Variants in DDR2 observed in about 807,000 individuals in gnomAD.
DDR2 encodes discoidin domain-containing receptor 2.
A neutral mutation model predicts 94.9 loss-of-function variants in DDR2; 27 were observed. That is an observed-to-expected ratio of 0.28 (90% CI 0.21 to 0.39). The LOEUF is 0.39. DDR2 is among the 10% of genes least tolerant of loss of function. DDR2 has a pLI of 1.00. For synonymous variants in DDR2, 382 were observed against 377.2 expected (o/e 1.01, Z -0.15); for missense variants, 783 against 1,076.0 (o/e 0.73, Z 3.81).
chr1:162,633,813 T>G (rs1656678041), intron 1 of DDR2, among the ~76,000 whole-genome samples: 1 of 152,234 alleles, frequency 6.6e-6, no homozygotes, highest in South Asian at 2.1e-4. Flanking sequence ...AGCTAAATTC[T>G]GAGTATTTTC....
chr1:162,716,512 G>A (rs778233477), intron 2 of DDR2, among the ~76,000 whole-genome samples: 5 of 152,184 alleles, frequency 3.3e-5, no homozygotes, highest in Admixed American at 6.5e-5. Context: ...TAGTGTTCCC[G>A]TTGCTGGAAG....
Position 162,784,630 on chromosome 1 carries a change from G to A in DDR2, c.*4384G>A, listed in dbSNP as rs1195130471. On this transcript the variant is annotated 3_prime_UTR_variant, in exon 18 of 18. Transcript: ENST00000367921. ...GGTGATTTGATTTCTGGCATTCTGAGTTTTCTGCTACAATTAGCTGCATTA... is the reference window on the plus strand; with the variant it reads ...GGTGATTTGATTTCTGGCATTCTGAATTTTCTGCTACAATTAGCTGCATTA... 6.6e-6 allele frequency: 1 copy of A among 152,182 alleles called. No individual in the cohort carries two copies. Among genetic ancestry groups the A allele is most frequent in the Non-Finnish European group, 1.5e-5 (1 of 68,040 alleles). The allele number at this position is 152,182 out of a possible 1,614,324, so 9.4% of individuals were successfully genotyped here.
intron 2 of DDR2, among the ~76,000 whole-genome samples, chr1:162,667,734 G>A (rs1480237443): frequency 1.3e-5 from 2 of 152,142 alleles, no homozygotes; most frequent in Non-Finnish European, 2.9e-5. Flanking sequence ...AAATGAGGCA[G>A]GAGAATGACA....
chr1:162,718,830 T>C (rs561036931), intron 2 of DDR2, among the ~76,000 whole-genome samples: 24 of 152,344 alleles, frequency 1.6e-4, no homozygotes, highest in African/African-American at 5.3e-4. Flanking sequence ...TGCAATCTGA[T>C]AGAGTTTGAA....
intron 3 of DDR2, among the ~76,000 whole-genome samples, chr1:162,721,869 T>C (rs1661439987): frequency 6.6e-6 from 1 of 152,200 alleles, no homozygotes; most frequent in South Asian, 2.1e-4. Context: ...TATTGGTTGG[T>C]TAATAGTAAC....
chr1:162,714,605 A>C (rs192159699), intron 2 of DDR2, among the ~76,000 whole-genome samples: 3 of 152,274 alleles, frequency 2.0e-5, no homozygotes, highest in Admixed American at 6.5e-5. Flanking sequence ...TACCAATTGC[A>C]TACTCAGAGA....
intron 2 of DDR2, among the ~76,000 whole-genome samples, chr1:162,688,880 T>G (rs1011449776): frequency 3.3e-5 from 5 of 152,206 alleles, no homozygotes; most frequent in Non-Finnish European, 2.9e-5. Flanking sequence ...TGGTTCTGGC[T>G]GTGGGGCCGG....
At chr1:162,740,501 G>T (rs988146961) in intron 3 of DDR2, among the ~76,000 whole-genome samples, 1 of 152,182 alleles carries the variant, frequency 6.6e-6, no homozygotes, top group East Asian at 1.9e-4. Context: ...ATCCCTGCAA[G>T]AGTCACCTGG....
intron 2 of DDR2, among the ~76,000 whole-genome samples, chr1:162,709,459 G>T (rs1353983801): frequency 2.0e-5 from 3 of 152,178 alleles, no homozygotes; most frequent in Non-Finnish European, 4.4e-5. Context: ...AGGTCACTTT[G>T]CTTTTTGGGC....
chr1:162,649,437 A>C (rs989401489), intron 1 of DDR2, among the ~76,000 whole-genome samples: 12 of 152,346 alleles, frequency 7.9e-5, no homozygotes, highest in Non-Finnish European at 1.0e-4. Context: ...ATTTGGGTCC[A>C]GGCTTTGCCA....
intron 1 of DDR2, among the ~76,000 whole-genome samples, chr1:162,637,239 A>G (rs956738517): frequency 6.6e-6 from 1 of 152,146 alleles, no homozygotes; most frequent in African/African-American, 2.4e-5. Flanking sequence ...GTGAAACTTG[A>G]TTTAGAAAAT....
At chr1:162,763,328 A>G (rs1330677138) in intron 9 of DDR2, among the ~76,000 whole-genome samples, 1 of 117,830 alleles carries the variant, frequency 8.5e-6, no homozygotes, top group Non-Finnish European at 1.6e-5. Flanking sequence ...GCCTGCTACC[A>G]CGCCCGGCTT....
At chr1:162,758,709 GGC>G (rs1243419096) in intron 7 of DDR2, among the ~76,000 whole-genome samples, 2 of 152,072 alleles carry the variant, frequency 1.3e-5, no homozygotes, top group Admixed American at 1.3e-4. Context: ...TTAAAAGGCT[GGC>G]ATAATCACCC....
chr1:162,752,172 A>C (rs1478258274), intron 3 of DDR2, among the ~76,000 whole-genome samples: 2 of 143,652 alleles, frequency 1.4e-5, no homozygotes, highest in African/African-American at 5.1e-5. Context: ...AAAAAAAAAA[A>C]CTTTTGTTGC....
At chr1:162,759,468 A>G in intron 7 of DDR2, among the ~76,000 whole-genome samples, 1 of 152,228 alleles carries the variant, frequency 6.6e-6, no homozygotes, top group South Asian at 2.1e-4. Flanking sequence ...ATGTGAAGAC[A>G]TATTCAGTAT....
At chr1:162,730,197 A>G (rs1481779365) in intron 3 of DDR2, among the ~76,000 whole-genome samples, 2 of 152,058 alleles carry the variant, frequency 1.3e-5, no homozygotes, top group African/African-American at 4.8e-5. Context: ...AATTAGAAGG[A>G]AGATAATGAA....
intron 2 of DDR2, among the ~76,000 whole-genome samples, chr1:162,678,769 G>A (rs1306183942): frequency 2.0e-5 from 3 of 152,210 alleles, no homozygotes; most frequent in African/African-American, 7.2e-5. Context: ...AGTAGGTTGT[G>A]TTCAGAGACC....
intron 13 of DDR2, 31 bp downstream of exon 13, chr1:162,772,278 C>T (rs1558078719): frequency 1.6e-5 from 25 of 1,607,484 alleles, no homozygotes; most frequent in South Asian, 7.8e-5. Flanking sequence ...CCTTATAGCT[C>T]GAAGAAGGTG....
chr1:162,736,857 A>G (rs1319010013), intron 3 of DDR2, among the ~76,000 whole-genome samples: 1 of 152,206 alleles, frequency 6.6e-6, no homozygotes, highest in Non-Finnish European at 1.5e-5. Flanking sequence ...TTCCTGAAGG[A>G]GAAGTATACT....
Sources: gnomAD v4.1 joint callset for allele counts (sites outside exome capture counted in the v4.1 genomes callset) on GRCh38, gnomAD v4.1.1 for gene constraint, MANE v1.5 for transcripts, NCBI Gene and HGNC (gene_info 2026-07-23, HGNC 2026-07-21) for gene names.